The following EXOC2 variants were observed in gnomAD, a reference collection of about 807,000 sequenced individuals.
EXOC2 encodes SEC5-like 1.
In EXOC2, 70 loss-of-function variants were observed where a neutral mutation model predicts 131.8. The observed-to-expected ratio is 0.53, with a 90% confidence interval of 0.44 to 0.65. The LOEUF (loss-of-function observed/expected upper bound fraction) is 0.65. EXOC2 is among the 30% of genes least tolerant of loss of function. EXOC2 has a pLI of 0.00. For synonymous variants in EXOC2, 411 were observed against 398.4 expected, an observed-to-expected ratio of 1.03 and a Z score of -0.38; for missense variants, 923 against 1,108.6, an observed-to-expected ratio of 0.83 and a Z score of 2.38.
At chr6:664,072 G>T (rs1763532166) in intron 1 of EXOC2, among the ~76,000 whole-genome samples, 1 of 152,162 alleles carries the variant, frequency 6.6e-6, no homozygotes, top group South Asian at 2.1e-4. Context: ...ACTGATAAAA[G>T]AATTCAGCAA....
At chr6:580,691 C>T (rs1325442947) in intron 11 of EXOC2, among the ~76,000 whole-genome samples, 2 of 152,042 alleles carry the variant, frequency 1.3e-5, no homozygotes, top group Non-Finnish European at 1.5e-5. Flanking sequence ...TGGCAGCTCA[C>T]CGAGGCACTA....
chr6:578,101 T>C (rs947066113), intron 11 of EXOC2, among the ~76,000 whole-genome samples: 1 of 152,212 alleles, frequency 6.6e-6, no homozygotes. Context: ...CCCACAGTCA[T>C]TGGACCTTCC....
At chr6:576,947 T>G in intron 11 of EXOC2, 65 bp from the exon 12 acceptor site, 1 of 1,473,486 alleles carries the variant, frequency 6.8e-7, no homozygotes, top group Non-Finnish European at 9.2e-7. Context: ...CTTAGTTGAT[T>G]TAATGGTCTG....
At chr6:651,239 T>C (rs1762816889) in intron 1 of EXOC2, among the ~76,000 whole-genome samples, 1 of 152,108 alleles carries the variant, frequency 6.6e-6, no homozygotes, top group Non-Finnish European at 1.5e-5. Context: ...TTCACTATGT[T>C]AGCCAGGATG....
At chr6:529,621 C>G (rs955257347) in intron 23 of EXOC2, among the ~76,000 whole-genome samples, 1 of 152,062 alleles carries the variant, frequency 6.6e-6, no homozygotes, top group African/African-American at 2.4e-5. Context: ...GATTTAATAG[C>G]CTTGAACATA....
At position 605,450 on chromosome 6, in the gene EXOC2, A is replaced by C. The variant is rs545606766; in HGVS notation, c.742+4648T>G. ...ACTTGGGAGGGTGTATGTGTCCAGG[A>C]ATTTATCCATTTCTTCTAGATTTTC... On this transcript the variant is annotated intron_variant, in intron 7 of 27. Coordinates refer to ENST00000230449, the MANE Select transcript of EXOC2 (RefSeq NM_018303.6). Among the ~76,000 whole-genome samples, 19 of 152,322 alleles carry C rather than the reference A, an allele frequency of 1.2e-4. No homozygotes were observed. In the East Asian group the frequency reaches 3.7e-3, roughly 29 times the overall value.
intron 7 of EXOC2, among the ~76,000 whole-genome samples, chr6:599,443 AGCAC>A (rs1360964861): frequency 1.3e-5 from 2 of 152,244 alleles, no homozygotes; most frequent in African/African-American, 4.8e-5. Context: ...CAATATAAAA[AGCAC>A]CATATTTACC....
chr6:605,665 C>T (rs1186836275), intron 7 of EXOC2, among the ~76,000 whole-genome samples: 2 of 152,154 alleles, frequency 1.3e-5, no homozygotes, highest in African/African-American at 4.8e-5. Context: ...CCTGGATTCA[C>T]TGATTTTTTG....
chr6:565,382 A>C (rs1264599769), intron 13 of EXOC2, among the ~76,000 whole-genome samples: 1 of 152,246 alleles, frequency 6.6e-6, no homozygotes, highest in African/African-American at 2.4e-5. Context: ...CAGAGATTTC[A>C]GTGTAATTTA....
intron 17 of EXOC2, among the ~76,000 whole-genome samples, chr6:557,395 G>A (rs865907326): frequency 1.3e-5 from 2 of 152,076 alleles, no homozygotes; most frequent in African/African-American, 2.4e-5. Flanking sequence ...TGCGGTGGGC[G>A]GATCACGAGG....
At chr6:556,729 T>C (rs547896642) in intron 17 of EXOC2, among the ~76,000 whole-genome samples, 165 bp from the exon 18 acceptor site, 2 of 152,362 alleles carry the variant, frequency 1.3e-5, no homozygotes, top group Admixed American at 1.3e-4. Context: ...TTTCAGAGGT[T>C]TGGCATATGT....
chr6:563,394 A>G (rs1009139851), intron 16 of EXOC2, among the ~76,000 whole-genome samples: 1 of 152,200 alleles, frequency 6.6e-6, no homozygotes, highest in Non-Finnish European at 1.5e-5. Flanking sequence ...TTCCCTTCCC[A>G]TTTACACAGT....
chr6:541,709 G>C (rs1756555782), intron 22 of EXOC2, among the ~76,000 whole-genome samples: 2 of 152,140 alleles, frequency 1.3e-5, no homozygotes, highest in African/African-American at 2.4e-5. Context: ...CAAAGTCCTA[G>C]AAAAATATAG....
At chr6:551,654 G>T (rs2127569139) in intron 21 of EXOC2, among the ~76,000 whole-genome samples, 1 of 152,330 alleles carries the variant, frequency 6.6e-6, no homozygotes. Flanking sequence ...CAGAGTGCCA[G>T]CAAGGGGAAG....
In EXOC2 at chr6:656,732, G is replaced by C. The variant is rs964675080; in HGVS notation, c.-43-18871C>G. ...GGTGGATCTCATCGAGATCTTCCGA[G>C]ACACCTTCCATGCGAAACTGCTGGA... is the stretch of plus-strand genomic sequence containing the variant. On this transcript the variant is annotated intron_variant, in intron 1 of 27. Coordinates refer to ENST00000230449, the MANE Select transcript of EXOC2 (RefSeq NM_018303.6). 77 of 1,593,618 alleles carry C rather than the reference G, an allele frequency of 4.8e-5. No homozygotes were observed. The East Asian group carries it at 1.7e-3, about 35-fold the overall frequency.
intron 1 of EXOC2, among the ~76,000 whole-genome samples, chr6:692,007 C>CA (rs1764949941): frequency 6.6e-6 from 1 of 152,196 alleles, no homozygotes; most frequent in Admixed American, 6.5e-5. Context: ...TTAAAGGAGT[C>CA]AGTTACACAA....
chr6:644,750 T>G (rs377021797), intron 1 of EXOC2, among the ~76,000 whole-genome samples: 30 of 152,148 alleles, frequency 2.0e-4, no homozygotes, highest in African/African-American at 7.0e-4. Context: ...AATGCCATTA[T>G]AAAACCAAAT....
At chr6:627,538 G>A (rs1163706897) in intron 4 of EXOC2, among the ~76,000 whole-genome samples, 1 of 152,196 alleles carries the variant, frequency 6.6e-6, no homozygotes, top group East Asian at 1.9e-4. Context: ...TAGAAAGACA[G>A]AGCTGGCTTG....
intron 23 of EXOC2, among the ~76,000 whole-genome samples, chr6:510,967 C>T (rs770841381): frequency 8.5e-5 from 13 of 152,232 alleles, no homozygotes; most frequent in Middle Eastern, 6.8e-3. Flanking sequence ...CATAAACAGG[C>T]CTGGGTTAAC....
Sources: gnomAD v4.1 joint callset for allele counts (sites outside exome capture counted in the v4.1 genomes callset) on GRCh38, gnomAD v4.1.1 for gene constraint, MANE v1.5 for transcripts, NCBI Gene and HGNC (gene_info 2026-07-23, HGNC 2026-07-21) for gene names.